Variants in ZDBF2 observed in about 807,000 individuals in gnomAD.
ZDBF2 encodes zinc finger DBF-type containing 2.
Under a neutral mutation model 9.4 loss-of-function variants are expected in ZDBF2, and 6 were observed. That is an observed-to-expected ratio of 0.64 (90% CI 0.35 to 1.27). ZDBF2 has a LOEUF of 1.27. Among genes scored for constraint, ZDBF2 ranks in the 50% most tolerant of loss-of-function variants. The pLI is 0.03. For missense variants in ZDBF2, 2,697 were observed against 2,766.8 expected, an observed-to-expected ratio of 0.97 and a Z score of 0.57; for synonymous variants, 905 against 946.3, an observed-to-expected ratio of 0.96 and a Z score of 0.80.
chr2:206,295,510 C>T (rs1482474703), intron 3 of ZDBF2, among the ~76,000 whole-genome samples: 2 of 151,794 alleles, frequency 1.3e-5, no homozygotes, highest in South Asian at 2.1e-4. Context: ...ACTACAGGCG[C>T]GCAGCACCAC....
rs1334947097 is a variant in ZDBF2 at position 206,307,022 on chromosome 2, G to C, written c.2494G>C (p.Asp832His). Residue 832 changes from aspartate to histidine, a missense_variant, in exon 5 of 5, where the codon GAT becomes CAT. Coordinates refer to ENST00000374423, the MANE Select transcript of ZDBF2 (RefSeq NM_020923.3). ...ATCTTGTGTCTCTGAAATAACTTTT[G>C]ATTCTGATATTCCTCTTCATTCAGG... is the stretch of plus-strand genomic sequence containing the variant. ...NESCVSEITF[D>H]SDIPLHSGND... 2.5e-6 allele frequency: 4 copies of C among 1,613,410 alleles called. No individual in the cohort carries two copies. In the Admixed American group the frequency reaches 5.0e-5, roughly 20 times the overall value.
chr2:206,310,466 A>T lies in ZDBF2; in HGVS notation c.5938A>T (p.Lys1980Ter). 1 of 1,613,798 alleles carries T rather than the reference A, an allele frequency of 6.2e-7. No homozygotes were observed. The highest frequency in any genetic ancestry group is 8.5e-7 in the Non-Finnish European group (1 of 1,179,858). ...SKCSRLQDDRKTKKKVKIGTV... is the reference protein window; with the variant it reads ...SKCSRLQDDR ...GTGTTCACGTTTACAGGATGACAGA[A>T]AAACCAAAAAGAAAGTCAAAATTGG... Residue 1980 changes from lysine (K) to a stop codon, truncating the protein, a stop_gained, in exon 5 of 5, where the codon AAA (lysine) becomes TAA (stop). Coordinates refer to ENST00000374423, the MANE Select transcript of ZDBF2 (RefSeq NM_020923.3). LOFTEE classifies it low-confidence loss of function (END_TRUNC).
Position 206,281,805 on chromosome 2 carries a change from A to G in ZDBF2, c.-45A>G. ...ATTTTTCTTTTTGTTTTTCAGCTTG[A>G]GTATTCAAAGACAGTAGCCATCTGA... On this transcript the variant is annotated 5_prime_UTR_variant, in exon 3 of 5. An upstream open reading frame in the 5' UTR loses its in-frame stop. Transcript: ENST00000374423. 6.4e-7 allele frequency: 1 copy of G among 1,571,816 alleles called. No homozygotes were observed. Among genetic ancestry groups the G allele is most frequent in the Non-Finnish European group, 8.7e-7 (1 of 1,148,700 alleles).
chr2:206,278,133 C>T (rs934112617), intron 1 of ZDBF2, among the ~76,000 whole-genome samples: 14 of 151,982 alleles, frequency 9.2e-5, no homozygotes, highest in South Asian at 2.1e-4. Flanking sequence ...AAGACGAATA[C>T]GATACATGTT....
rs935611335 is a variant in ZDBF2, at chr2:206,314,408, A to G, written c.*2815A>G. The G allele has an allele frequency of 4.6e-5, 7 of 152,260 alleles. No individual in the cohort carries two copies. Among genetic ancestry groups the G allele is most frequent in the African/African-American group, 1.7e-4 (7 of 41,552 alleles). 9.4% of individuals were successfully genotyped at this position (152,260 alleles called of 1,614,324 possible). Reference sequence around the variant, plus strand: ...ACTTGTTTTTGATGTTATCAAGATAAAATTTATTAAACCTTGAAATTTGTC... The same window carrying G: ...ACTTGTTTTTGATGTTATCAAGATAGAATTTATTAAACCTTGAAATTTGTC... On this transcript the variant is annotated 3_prime_UTR_variant, in exon 5 of 5. Transcript: ENST00000374423.
chr2:206,282,641 T>C (rs180721379), intron 3 of ZDBF2, among the ~76,000 whole-genome samples: 1 of 152,306 alleles, frequency 6.6e-6, no homozygotes, highest in East Asian at 1.9e-4. Context: ...AATCGTCTAC[T>C]TTGTGTTTTA....
At chr2:206,279,239 T>C (rs539315936) in intron 1 of ZDBF2, among the ~76,000 whole-genome samples, 72 of 152,306 alleles carry the variant, frequency 4.7e-4, no homozygotes, top group Admixed American at 4.2e-3. Context: ...CTCTCAACTT[T>C]ACCAGAGGCA....
In ZDBF2 at chr2:206,312,540, GAGTAGCT is replaced by G. The variant is rs1214530444; in HGVS notation, c.*948_*954del. 2.6e-5 allele frequency: 4 copies of G among 152,214 alleles called. No individual in the cohort carries two copies. The highest frequency in any genetic ancestry group is 3.4e-3 in the Middle Eastern group (1 of 294). The allele number at this position is 152,214 out of a possible 1,614,324, so 9.4% of individuals were successfully genotyped here. ...AGCAATTCTCCTGCCTAAGCCTCTC[GAGTAGCT>G]GGGACTACAGGCGTGCGCCACCATG... On this transcript the variant is annotated 3_prime_UTR_variant, in exon 5 of 5. Coordinates refer to ENST00000374423, the MANE Select transcript of ZDBF2 (RefSeq NM_020923.3).
At chr2:206,283,365 CTTG>C (rs1297230254) in intron 3 of ZDBF2, among the ~76,000 whole-genome samples, 3 of 151,804 alleles carry the variant, frequency 2.0e-5, no homozygotes, top group East Asian at 1.9e-4. Flanking sequence ...CTTGTCAGCA[CTTG>C]TTGTTGTCTG....
chr2:206,307,945 C>A lies in ZDBF2; in HGVS notation c.3417C>A (p.Asn1139Lys), dbSNP rs780181028. The part of the protein sequence containing the change: ...DQPKVAIKHV[N>K]LGNENHMYLE... ...CCAAAGTAGCTATTAAACATGTGAA[C>A]CTTGGGAATGAAAACCATATGTACT... is the stretch of plus-strand genomic sequence containing the variant. The change falls in exon 5 of 5, where the codon AAC becomes AAA. Residue 1139 changes from asparagine (N) to lysine (K), a missense_variant. Around this residue, in one of 3 missense-constraint regions of ZDBF2, gnomAD observed 1,783 missense variants for 1,776.5 expected, o/e 1.00. Transcript: ENST00000374423. The A allele has an allele frequency of 6.2e-7, 1 of 1,613,650 alleles. No homozygotes were observed. The highest frequency in any genetic ancestry group is 1.1e-5 in the South Asian group (1 of 91,050).
In ZDBF2 at chr2:206,306,256, G is replaced by A. The variant is rs758059320; in HGVS notation, c.1728G>A (p.Ser576=). The change falls in exon 5 of 5, where the codon TCG becomes TCA. Residue 576 remains serine (S), a synonymous_variant. Transcript: ENST00000374423. ...AHTSLVDNYG[S]SCSETSFDCD... ...CCAGCTTGGTTGATAACTATGGATC[G>A]AGTTGTTCTGAAACAAGTTTTGATT... The A allele has an allele frequency of 5.6e-6, 9 of 1,613,346 alleles. No individual in the cohort carries two copies. The highest frequency in any genetic ancestry group is 1.6e-4 in the Middle Eastern group (1 of 6,084).
chr2:206,297,264 C>A lies in ZDBF2; in HGVS notation c.79C>A (p.His27Asn). The change falls in exon 4 of 5, where the codon CAC becomes AAC. Residue 27 changes from histidine (H) to asparagine (N), a missense_variant. Physicochemically the swap from His to Asn is moderately conservative, Grantham distance 68. Coordinates refer to ENST00000374423, the MANE Select transcript of ZDBF2 (RefSeq NM_020923.3). The stretch of plus-strand genomic sequence containing the variant: ...TTTATAGCATTTGTTCAGTGCTCAG[C>A]ACAGGAGTTTGACCAGACAGAGTAG... Reference protein sequence around the residue: ...NLEQHLFSAQHRSLTRQSRRQ... With the variant: ...NLEQHLFSAQNRSLTRQSRRQ... The A allele has an allele frequency of 1.4e-6, 2 of 1,441,854 alleles. No homozygotes were observed. Among genetic ancestry groups the A allele is most frequent in the Non-Finnish European group, 2.0e-6 (2 of 1,023,126 alleles). The allele number at this position is 1,441,854 out of a possible 1,614,324, so 89.3% of individuals were successfully genotyped here.
chr2:206,291,624 A>G (rs948293991), intron 3 of ZDBF2, among the ~76,000 whole-genome samples: 1 of 152,230 alleles, frequency 6.6e-6, no homozygotes, highest in Non-Finnish European at 1.5e-5. Flanking sequence ...TTAGAACCTT[A>G]ACATGTGAAT....
At chr2:206,303,561 G>A (rs181056456) in intron 4 of ZDBF2, among the ~76,000 whole-genome samples, 1 of 152,288 alleles carries the variant, frequency 6.6e-6, no homozygotes, top group East Asian at 1.9e-4. Context: ...GAGATTCATA[G>A]ACTGATTTTA....
chr2:206,313,860 G>A lies in ZDBF2; in HGVS notation c.*2267G>A, dbSNP rs1376655378. 1.5e-4 allele frequency: 23 copies of A among 152,176 alleles called. No individual in the cohort carries two copies. The highest frequency in any genetic ancestry group is 1.5e-3 in the Admixed American group (23 of 15,282). 9.4% of individuals were successfully genotyped at this position (152,176 alleles called of 1,614,324 possible). Reference sequence around the variant, plus strand: ...TGCAGTACTGATGATTTTGTTTAAAGTTTTTGAAATGTTTTGTTTACTAAG... The same window carrying A: ...TGCAGTACTGATGATTTTGTTTAAAATTTTTGAAATGTTTTGTTTACTAAG... On this transcript the variant is annotated 3_prime_UTR_variant, in exon 5 of 5. Transcript: ENST00000374423.
chr2:206,275,281 G>A (rs1398553187), intron 1 of ZDBF2, among the ~76,000 whole-genome samples: 2 of 152,138 alleles, frequency 1.3e-5, no homozygotes, highest in Admixed American at 6.5e-5. Flanking sequence ...CGGTCTGCGG[G>A]GTCGGATTGA....
At position 206,312,433 on chromosome 2, in the gene ZDBF2, G is replaced by T. The variant is rs1330698605; in HGVS notation, c.*840G>T. On this transcript the variant is annotated 3_prime_UTR_variant, in exon 5 of 5. Transcript: ENST00000374423. ...TGTTTATTTATTATTATTATTTTTTGAGACAGAGTCTCACTGTCTTGCCCA... is the reference window on the plus strand; with the variant it reads ...TGTTTATTTATTATTATTATTTTTTTAGACAGAGTCTCACTGTCTTGCCCA... 1 of 151,782 alleles carries T rather than the reference G, an allele frequency of 6.6e-6. No individual in the cohort carries two copies. Among genetic ancestry groups the T allele is most frequent in the Admixed American group, 6.6e-5 (1 of 15,236 alleles). The allele number at this position is 151,782 out of a possible 1,614,324, so 9.4% of individuals were successfully genotyped here. A position where few individuals can be genotyped will look rare whatever the true frequency, so the allele number is the denominator to read the frequency against.
In ZDBF2 at chr2:206,305,223, A is replaced by G. The variant is rs1271977635; in HGVS notation, c.695A>G (p.Asp232Gly). The change falls in exon 5 of 5, where the codon GAT becomes GGT. Residue 232 changes from aspartate to glycine, a missense_variant. Asp to Gly is a moderately conservative substitution (Grantham distance 94). This residue lies in a region of ZDBF2 where 910 missense variants were observed against 973.6 expected (regional missense o/e 0.93). Transcript: ENST00000374423. ...GTTGAGAAATATCTTGAACAGCCAG[A>G]TGGGGCCTCTAGAAATCCTGTGCCA... Reference protein sequence around the residue: ...NKVEKYLEQPDGASRNPVPSS... With the variant: ...NKVEKYLEQPGGASRNPVPSS... 4 of 1,613,726 alleles carry G rather than the reference A, an allele frequency of 2.5e-6. No individual in the cohort carries two copies. Among genetic ancestry groups the G allele is most frequent in the Non-Finnish European group, 3.4e-6 (4 of 1,179,836 alleles).
intron 3 of ZDBF2, among the ~76,000 whole-genome samples, chr2:206,283,391 TTG>T (rs1397381510): frequency 1.7e-4 from 25 of 150,010 alleles, no homozygotes; most frequent in Admixed American, 4.0e-4. Flanking sequence ...TTGTTTTTTG[TTG>T]TTGTTGTTGT....
Sources: gnomAD v4.1 joint callset for allele counts (sites outside exome capture counted in the v4.1 genomes callset) on GRCh38, gnomAD v4.1.1 for gene constraint, gnomAD v4.1.1 regional missense constraint, MANE v1.5 for transcripts, NCBI Gene and HGNC (gene_info 2026-07-23, HGNC 2026-07-21) for gene names.